Variants in SLC1A7 observed in about 807,000 individuals in gnomAD.
SLC1A7 encodes the protein excitatory amino acid transporter 5.
A neutral mutation model predicts 47.7 loss-of-function variants in SLC1A7; 40 were observed. The observed-to-expected ratio is 0.84, with a 90% CI of 0.65 to 1.09. SLC1A7 has a LOEUF of 1.09. SLC1A7 is among the 50% of genes least tolerant of loss of function. The probability of loss-of-function intolerance (pLI) is 0.00; values close to 1 mark genes in which losing one functional copy is unlikely to be tolerated. For missense variants in SLC1A7, 746 were observed against 769.5 expected (o/e 0.97, Z 0.36); for synonymous variants, 323 against 325.6 (o/e 0.99, Z 0.09).
intron 2 of SLC1A7, among the ~76,000 whole-genome samples, chr1:53,121,829 C>T (rs916000067): frequency 6.6e-6 from 1 of 152,156 alleles, no homozygotes; most frequent in Non-Finnish European, 1.5e-5. Flanking sequence ...TCACCTGGGA[C>T]GCGGGGCTGC....
chr1:53,099,429 G>A (rs576992832), intron 5 of SLC1A7, among the ~76,000 whole-genome samples: 9 of 144,858 alleles, frequency 6.2e-5, no homozygotes, highest in South Asian at 4.5e-4. Flanking sequence ...CACACAGCCC[G>A]CCTCGGTATA....
At chr1:53,120,172 G>T (rs1644803913) in intron 2 of SLC1A7, among the ~76,000 whole-genome samples, 1 of 152,172 alleles carries the variant, frequency 6.6e-6, no homozygotes, top group African/African-American at 2.4e-5. Context: ...AGACTGCCAG[G>T]CTCCCGGTGG....
rs936486233 is a variant in SLC1A7, at chr1:53,088,315, C to T, written c.1465-88G>A. On this transcript the variant is annotated intron_variant, in intron 10 of 10. Transcript: ENST00000371494. ...CTGAGGGCCAGTGGGGCAGAATGAG[C>T]TCAGGGCTAGGAACCACAAGATGGA... is the stretch of plus-strand genomic sequence containing the variant. The T allele has an allele frequency of 1.2e-5, 13 of 1,121,286 alleles. No homozygotes were observed. The African/African-American group carries it at 2.0e-4, about 17-fold the overall frequency. The allele number at this position is 1,121,286 out of a possible 1,614,324, so 69.5% of individuals were successfully genotyped here. A position where few individuals can be genotyped will look rare whatever the true frequency, so the allele number is the denominator to read the frequency against.
In SLC1A7 at chr1:53,088,086, C is replaced by T; in HGVS notation, c.1606G>A (p.Glu536Lys). ...TCPHHVPVQV[E>K]QDEELPAASL... Reference sequence around the variant, plus strand: ...GCAGCGGGCAGCTCCTCATCCTGCTCCACTTGAACGGGGACGTGGTGGGGG... The same window carrying T: ...GCAGCGGGCAGCTCCTCATCCTGCTTCACTTGAACGGGGACGTGGTGGGGG... Residue 536 changes from glutamate to lysine, a missense_variant, in exon 11 of 11, where the codon GAG becomes AAG. Coordinates refer to ENST00000371494, the MANE Select transcript of SLC1A7 (RefSeq NM_006671.6). The T allele has an allele frequency of 1.2e-6, 2 of 1,610,668 alleles. No individual in the cohort carries two copies. The highest frequency in any genetic ancestry group is 1.7e-6 in the Non-Finnish European group (2 of 1,177,938).
chr1:53,098,528 C>A (rs1053552998), intron 5 of SLC1A7, among the ~76,000 whole-genome samples: 2 of 150,496 alleles, frequency 1.3e-5, no homozygotes, highest in African/African-American at 4.9e-5. Context: ...CACTCATATG[C>A]CCTGCCTCAG....
chr1:53,107,339 G>A (rs748780597), intron 3 of SLC1A7, among the ~76,000 whole-genome samples: 22 of 152,080 alleles, frequency 1.4e-4, no homozygotes, highest in Non-Finnish European at 2.5e-4. Context: ...TCCTGGATTG[G>A]ATCCTGCAAC....
intron 1 of SLC1A7, among the ~76,000 whole-genome samples, chr1:53,137,581 C>A (rs530814779): frequency 6.6e-6 from 1 of 152,110 alleles, no homozygotes; most frequent in East Asian, 1.9e-4. Context: ...ATGTTTTGAT[C>A]GCCAAACAGT....
chr1:53,108,673 T>C, intron 3 of SLC1A7: 1 of 717,396 alleles, frequency 1.4e-6, no homozygotes, highest in Non-Finnish European at 2.6e-6. Flanking sequence ...TGAGCAACCT[T>C]CATGGACCAT....
chr1:53,116,773 C>G (rs1644766752), intron 2 of SLC1A7, among the ~76,000 whole-genome samples: 1 of 152,270 alleles, frequency 6.6e-6, no homozygotes, highest in Non-Finnish European at 1.5e-5. Context: ...CACAGGACAG[C>G]AGTGCCCGGC....
At chr1:53,135,423 TGAGA>T (rs368195842) in intron 1 of SLC1A7, among the ~76,000 whole-genome samples, 127 of 152,248 alleles carry the variant, frequency 8.3e-4, no homozygotes, top group South Asian at 2.1e-4. Flanking sequence ...TCGAAAATGC[TGAGA>T]GAGAGAGGAT....
In SLC1A7 at chr1:53,090,935, G is replaced by A. The variant is rs764970287; in HGVS notation, c.1032-129C>T. ...GTTTGTGCCTCTGCAGCGCTGCTCC[G>A]GCAGGAGGTAAGGACCGCGGGCACT... On this transcript the variant is annotated intron_variant, in intron 7 of 10. Coordinates refer to ENST00000371494, the MANE Select transcript of SLC1A7 (RefSeq NM_006671.6). The A allele has an allele frequency of 2.2e-5, 34 of 1,536,834 alleles. No homozygotes were observed. The Middle Eastern group carries it at 5.0e-4, about 23-fold the overall frequency.
chr1:53,115,278 A>T (rs1057116959), intron 2 of SLC1A7: 2 of 449,212 alleles, frequency 4.5e-6, no homozygotes, highest in Non-Finnish European at 8.1e-6. Flanking sequence ...AGATTAATTA[A>T]GGAAATGCGT....
At chr1:53,134,490 T>TAAAGA (rs1644971805) in intron 1 of SLC1A7, 61 bp from the exon 2 acceptor site, 1 of 1,089,518 alleles carries the variant, frequency 9.2e-7, no homozygotes, top group Non-Finnish European at 1.4e-6. Flanking sequence ...GTGGTTCCGT[T>TAAAGA]CTTCACAGTC....
intron 5 of SLC1A7, among the ~76,000 whole-genome samples, chr1:53,098,495 G>T (rs572686613): frequency 2.1e-5 from 3 of 141,800 alleles, no homozygotes; most frequent in African/African-American, 8.0e-5. Context: ...CATCACCCTT[G>T]TTACACTCAA....
chr1:53,139,423 TC>T lies in SLC1A7; in HGVS notation c.135+2891del, dbSNP rs1050211484. 2.2e-4 allele frequency among the ~76,000 whole-genome samples: 32 copies of T among 147,580 alleles called. 1 individual carries two copies. The highest frequency in any genetic ancestry group is 7.6e-5 in the Non-Finnish European group (5 of 65,386). On this transcript the variant is annotated intron_variant, in intron 1 of 10. Transcript: ENST00000371494. Reference sequence around the variant, plus strand: ...AAGTAGGTGCCTCAGCATGGCCCTCTCCCCAACACACACAGGGGTGGCCCAA... The same window carrying T: ...AAGTAGGTGCCTCAGCATGGCCCTCTCCCAACACACACAGGGGTGGCCCAA...
At chr1:53,141,520 A>G (rs566776617) in intron 1 of SLC1A7, among the ~76,000 whole-genome samples, 1 of 151,788 alleles carries the variant, frequency 6.6e-6, no homozygotes, top group South Asian at 2.1e-4. Flanking sequence ...CCTGTAGGAG[A>G]TGGGGGCTGA....
intron 3 of SLC1A7, among the ~76,000 whole-genome samples, chr1:53,111,607 G>T (rs1310322957): frequency 2.0e-5 from 3 of 152,154 alleles, no homozygotes; most frequent in Admixed American, 6.5e-5. Flanking sequence ...GGAACTGGCT[G>T]CAGGGTATGA....
At chr1:53,130,440 T>G (rs1486326026) in intron 2 of SLC1A7, among the ~76,000 whole-genome samples, 2 of 152,090 alleles carry the variant, frequency 1.3e-5, no homozygotes, top group Non-Finnish European at 2.9e-5. Context: ...GGCCCAGACC[T>G]GCAGATGGTT....
At chr1:53,136,557 A>G (rs1644997053) in intron 1 of SLC1A7, among the ~76,000 whole-genome samples, 1 of 37,460 alleles carries the variant, frequency 2.7e-5, no homozygotes, top group Non-Finnish European at 5.5e-5. Flanking sequence ...ATATATATAA[A>G]CATATATATA....
Sources: allele counts gnomAD v4.1 joint callset (sites outside exome capture counted in the v4.1 genomes callset), GRCh38; gene constraint gnomAD v4.1.1; transcripts MANE v1.5; gene names NCBI Gene and HGNC (gene_info 2026-07-23, HGNC 2026-07-21).